The following MACROD2 variants were observed in gnomAD, a reference collection of about 807,000 sequenced individuals.
MACROD2 encodes ADP-ribose glycohydrolase MACROD2.
A neutral mutation model predicts 70.4 loss-of-function variants in MACROD2; 36 were observed. The ratio of observed to expected loss-of-function variants is 0.51; its 90% confidence interval spans 0.39 to 0.68. The LOEUF (loss-of-function observed/expected upper bound fraction) is 0.68, where lower values mean the gene tolerates loss of function less well. Among genes scored for constraint, MACROD2 ranks in the 30% least tolerant of loss-of-function variants. The probability of loss-of-function intolerance (pLI) is 0.00; values close to 1 mark genes in which losing one functional copy is unlikely to be tolerated. For missense variants in MACROD2, 496 were observed against 538.4 expected (o/e 0.92, Z 0.78); for synonymous variants, 172 against 178.8 (o/e 0.96, Z 0.30).
At chr20:15,851,497 T>C (rs2147147498) in intron 8 of MACROD2, among the ~76,000 whole-genome samples, 1 of 152,232 alleles carries the variant, frequency 6.6e-6, no homozygotes, top group African/African-American at 2.4e-5. Context: ...TCTGTGCATG[T>C]CCGTGTCCAA....
At chr20:14,195,809 C>G (rs1048608279) in intron 3 of MACROD2, among the ~76,000 whole-genome samples, 9 of 152,184 alleles carry the variant, frequency 5.9e-5, no homozygotes, top group African/African-American at 2.2e-4. Context: ...TCTGGCTCCC[C>G]CATCTGCTGA....
intron 12 of MACROD2, among the ~76,000 whole-genome samples, chr20:15,953,885 G>A (rs1239051486): frequency 3.3e-5 from 5 of 152,052 alleles, no homozygotes; most frequent in Admixed American, 1.3e-4. Flanking sequence ...ATTAATAAAT[G>A]AGAATGTCAC....
chr20:15,904,271 G>A (rs1021213125), intron 10 of MACROD2, among the ~76,000 whole-genome samples: 4 of 151,794 alleles, frequency 2.6e-5, no homozygotes, highest in African/African-American at 9.7e-5. Context: ...CTCCAGCCTC[G>A]GCCTCCCAAA....
At chr20:15,751,076 T>C (rs1033190464) in intron 8 of MACROD2, among the ~76,000 whole-genome samples, 3 of 152,006 alleles carry the variant, frequency 2.0e-5, no homozygotes, top group African/African-American at 7.2e-5. Context: ...TCTGGGATTC[T>C]ATTGCACAGA....
intron 3 of MACROD2, among the ~76,000 whole-genome samples, chr20:14,240,237 G>A (rs141641887): frequency 4.3e-4 from 66 of 152,282 alleles, no homozygotes; most frequent in African/African-American, 1.4e-3. Context: ...TACGCTACTG[G>A]TGGGAATGTA....
At chr20:15,243,585 T>C (rs543428858) in intron 6 of MACROD2, among the ~76,000 whole-genome samples, 2 of 151,290 alleles carry the variant, frequency 1.3e-5, no homozygotes, top group South Asian at 4.2e-4. Context: ...GGCCAACTTG[T>C]AGTGGTTTAT....
chr20:14,879,682 G>A (rs928971270), intron 5 of MACROD2, among the ~76,000 whole-genome samples: 3 of 152,178 alleles, frequency 2.0e-5, no homozygotes, highest in Non-Finnish European at 2.9e-5. Context: ...AAACTGTTGA[G>A]TTAATGGTGG....
intron 10 of MACROD2, among the ~76,000 whole-genome samples, chr20:15,905,863 T>C (rs1163134376): frequency 1.3e-5 from 2 of 152,192 alleles, no homozygotes; most frequent in African/African-American, 4.8e-5. Context: ...CTCCTACCTC[T>C]TGTCACTCTG....
chr20:14,091,339 G>A (rs2054146444), intron 3 of MACROD2, among the ~76,000 whole-genome samples: 1 of 152,020 alleles, frequency 6.6e-6, no homozygotes, highest in African/African-American at 2.4e-5. Context: ...GGGGATTGGA[G>A]GAAGGAAATG....
intron 2 of MACROD2, among the ~76,000 whole-genome samples, chr20:14,046,953 CT>C (rs1449096507): frequency 3.9e-5 from 6 of 151,956 alleles, no homozygotes; most frequent in Non-Finnish European, 7.4e-5. Context: ...TGTGGTATAT[CT>C]ATCTAAGGAT....
chr20:14,182,705 C>T (rs902670995), intron 3 of MACROD2, among the ~76,000 whole-genome samples: 1 of 151,928 alleles, frequency 6.6e-6, no homozygotes, highest in Non-Finnish European at 1.5e-5. Flanking sequence ...TTTAAAAATA[C>T]TCTTAAGTGT....
At position 14,172,337 on chromosome 20, in the gene MACROD2, C is replaced by A. The variant is rs1328148249; in HGVS notation, c.271+86609C>A. Among the ~76,000 whole-genome samples the A allele has an allele frequency of 1.4e-4, 16 of 111,890 alleles. No individual in the cohort carries two copies. The Admixed American group carries it at 2.1e-3, about 15-fold the overall frequency. 73.4% of individuals were successfully genotyped at this position (111,890 alleles called of 152,430 possible). A position where few individuals can be genotyped will look rare whatever the true frequency, so the allele number is the denominator to read the frequency against. On this transcript the variant is annotated intron_variant, in intron 3 of 17. Transcript: ENST00000684519. ...TTTTTTTTTTTGAGATGGAGTCTTG[C>A]TCTGTTGCCCAGGCTGGAATGCAGT...
chr20:14,373,279 T>C (rs1248126064), intron 3 of MACROD2, among the ~76,000 whole-genome samples: 1 of 152,198 alleles, frequency 6.6e-6, no homozygotes, highest in Admixed American at 6.6e-5. Context: ...ATTTGGCATA[T>C]ATAATATGTA....
intron 3 of MACROD2, among the ~76,000 whole-genome samples, chr20:14,184,252 A>G (rs1601323548): frequency 1.3e-5 from 2 of 152,292 alleles, no homozygotes; most frequent in Admixed American, 1.3e-4. Flanking sequence ...GCATATGGCT[A>G]GCCAGTTATC....
chr20:14,252,645 T>C (rs1032479796), intron 3 of MACROD2, among the ~76,000 whole-genome samples: 1 of 152,066 alleles, frequency 6.6e-6, no homozygotes, highest in African/African-American at 2.4e-5. Flanking sequence ...AAATGTTCAA[T>C]AAATATTTGC....
chr20:14,273,817 C>A (rs1256827602), intron 3 of MACROD2, among the ~76,000 whole-genome samples: 7 of 151,264 alleles, frequency 4.6e-5, no homozygotes, highest in Non-Finnish European at 1.0e-4. Flanking sequence ...GGGGATATCA[C>A]CACCGATCCC....
intron 3 of MACROD2, among the ~76,000 whole-genome samples, chr20:14,197,950 T>G (rs1182990900): frequency 6.6e-6 from 1 of 152,144 alleles, no homozygotes; most frequent in African/African-American, 2.4e-5. Flanking sequence ...ATTTTAGAAA[T>G]GACACATTAC....
intron 6 of MACROD2, among the ~76,000 whole-genome samples, chr20:15,361,455 T>A (rs2078350684): frequency 6.6e-6 from 1 of 152,170 alleles, no homozygotes; most frequent in Admixed American, 6.6e-5. Flanking sequence ...ACCACAGAGT[T>A]TTGATTGATG....
intron 3 of MACROD2, among the ~76,000 whole-genome samples, chr20:14,417,023 C>T (rs1251160332): frequency 6.6e-6 from 1 of 151,836 alleles, no homozygotes; most frequent in Non-Finnish European, 1.5e-5. Flanking sequence ...CACACACACG[C>T]TATCTATCTA....
Sources: allele counts gnomAD v4.1 joint callset (sites outside exome capture counted in the v4.1 genomes callset), GRCh38; gene constraint gnomAD v4.1.1; transcripts MANE v1.5; gene names NCBI Gene and HGNC (gene_info 2026-07-23, HGNC 2026-07-21).